The following TENM2 variants were observed in gnomAD, a reference collection of about 807,000 sequenced individuals.
TENM2 encodes teneurin-2.
TENM2 carries 52 observed loss-of-function variants against 245.2 expected under a neutral mutation model. The ratio of observed to expected loss-of-function variants is 0.21; its 90% CI spans 0.17 to 0.27. The LOEUF (loss-of-function observed/expected upper bound fraction) is 0.27. TENM2 is among the 10% of genes least tolerant of loss of function. The pLI, the probability that TENM2 is intolerant of heterozygous loss-of-function variation, is 1.00. For synonymous variants in TENM2, 1,363 were observed against 1,438.9 expected, an observed-to-expected ratio of 0.95 and a Z score of 1.19; for missense variants, 3,046 against 3,666.8, an observed-to-expected ratio of 0.83 and a Z score of 4.37.
At position 167,785,688 on chromosome 5, in the gene TENM2, C is replaced by T. The variant is rs578165998; in HGVS notation, c.503-90298C>T. Among the ~76,000 whole-genome samples, 7 of 152,288 alleles carry T rather than the reference C, an allele frequency of 4.6e-5. No individual in the cohort carries two copies. The South Asian group carries it at 1.5e-3, about 32-fold the overall frequency. On this transcript the variant is annotated intron_variant, in intron 2 of 28. Transcript: ENST00000518659. ...TTTGTCCCTCTTCAGGTCTGCTCTG[C>T]CATAATAAACTGCCAAAATAAATTT...
At chr5:167,330,476 A>G (rs773461974) in intron 1 of TENM2, among the ~76,000 whole-genome samples, 1 of 152,084 alleles carries the variant, frequency 6.6e-6, no homozygotes, top group Non-Finnish European at 1.5e-5. Context: ...GTTCCAACTG[A>G]ATATAAGGAA....
chr5:167,319,655 G>T (rs1756596771), intron 1 of TENM2, among the ~76,000 whole-genome samples: 1 of 152,168 alleles, frequency 6.6e-6, no homozygotes, highest in Admixed American at 6.5e-5. Context: ...TTTGAAGGAA[G>T]AAGCTGCATC....
At chr5:167,544,384 C>T (rs370821283) in intron 2 of TENM2, among the ~76,000 whole-genome samples, 14 of 152,180 alleles carry the variant, frequency 9.2e-5, no homozygotes, top group Admixed American at 3.3e-4. Context: ...GAAAATCACG[C>T]GGTGCCATTT....
At chr5:167,629,577 A>C (rs978772933) in intron 2 of TENM2, among the ~76,000 whole-genome samples, 6 of 152,198 alleles carry the variant, frequency 3.9e-5, no homozygotes, top group Admixed American at 3.3e-4. Context: ...AGGTACATGA[A>C]TTGACTTCAC....
At chr5:167,022,631 A>G in the TENM2 span, among the ~76,000 whole-genome samples, 1 of 152,186 alleles carries the variant, frequency 6.6e-6, no homozygotes, top group African/African-American at 2.4e-5. Flanking sequence ...TTACATAGAA[A>G]TACACTTCCT....
chr5:167,570,437 C>T (rs528348236), intron 2 of TENM2, among the ~76,000 whole-genome samples: 59 of 151,560 alleles, frequency 3.9e-4, no homozygotes, highest in African/African-American at 1.4e-3. Flanking sequence ...GGCTGTGTCA[C>T]GACAGTTGGG....
the TENM2 span, among the ~76,000 whole-genome samples, chr5:167,179,426 A>G: frequency 5.3e-5 from 8 of 152,076 alleles, no homozygotes; most frequent in African/African-American, 1.9e-4. Flanking sequence ...TGAGCATTAC[A>G]TTTTCGGTAA....
intron 6 of TENM2, among the ~76,000 whole-genome samples, chr5:168,061,038 G>A (rs1789992762): frequency 6.6e-6 from 1 of 152,168 alleles, no homozygotes; most frequent in South Asian, 2.1e-4. Context: ...GGTCACAAAA[G>A]TGATCGGGGG....
At chr5:166,981,097 A>G in the TENM2 span, among the ~76,000 whole-genome samples, 7 of 152,224 alleles carry the variant, frequency 4.6e-5, no homozygotes, top group Non-Finnish European at 8.8e-5. Context: ...TTATGTAGAA[A>G]AAAACCTACT....
chr5:167,084,338 T>C, the TENM2 span, among the ~76,000 whole-genome samples: 1 of 80,196 alleles, frequency 1.2e-5, no homozygotes, highest in East Asian at 3.8e-4. Context: ...TATATATATA[T>C]ATATATATAT....
chr5:167,958,834 T>TCTGCAGAGAG (rs1317399631), intron 4 of TENM2, among the ~76,000 whole-genome samples: 1 of 151,726 alleles, frequency 6.6e-6, no homozygotes, highest in Non-Finnish European at 1.5e-5. Context: ...TTGTAGCGTG[T>TCTGCAGAGAG]CTGCAGAGAG....
chr5:167,819,932 A>T (rs1767380053), intron 2 of TENM2, among the ~76,000 whole-genome samples: 1 of 152,264 alleles, frequency 6.6e-6, no homozygotes, highest in African/African-American at 2.4e-5. Flanking sequence ...AATATTCCTT[A>T]CTTCCCTTAA....
chr5:167,566,033 A>G (rs1465846082), intron 2 of TENM2, among the ~76,000 whole-genome samples: 1 of 152,194 alleles, frequency 6.6e-6, no homozygotes, highest in Non-Finnish European at 1.5e-5. Context: ...TCTCATCAGA[A>G]AGATGTTTTT....
chr5:167,141,514 T>C, the TENM2 span, among the ~76,000 whole-genome samples: 1 of 152,116 alleles, frequency 6.6e-6, no homozygotes, highest in Admixed American at 6.5e-5. Context: ...ATTAAACAGG[T>C]TGTGTATAAT....
chr5:167,273,725 G>T, the TENM2 span, among the ~76,000 whole-genome samples: 97 of 152,162 alleles, frequency 6.4e-4, no homozygotes, highest in African/African-American at 2.2e-3. Flanking sequence ...CCAAGCAGAG[G>T]GTTCAAATAA....
intron 6 of TENM2, among the ~76,000 whole-genome samples, chr5:168,060,588 C>A (rs2152089908): frequency 6.6e-6 from 1 of 152,264 alleles, no homozygotes; most frequent in Middle Eastern, 3.4e-3. Flanking sequence ...CTTTTATTAT[C>A]CTAGAAGTCA....
intron 2 of TENM2, among the ~76,000 whole-genome samples, chr5:167,483,672 T>G (rs914678325): frequency 2.0e-5 from 3 of 152,256 alleles, no homozygotes; most frequent in Admixed American, 6.5e-5. Context: ...CTTTTTCTTC[T>G]GCTCAACTTG....
intron 1 of TENM2, among the ~76,000 whole-genome samples, chr5:167,295,906 A>T (rs1290916372): frequency 2.0e-5 from 3 of 152,174 alleles, no homozygotes; most frequent in Non-Finnish European, 4.4e-5. Flanking sequence ...CTCTGCTGGG[A>T]ATGATCAGAA....
intron 2 of TENM2, among the ~76,000 whole-genome samples, chr5:167,575,441 A>G (rs1660087173): frequency 6.6e-6 from 1 of 151,790 alleles, no homozygotes; most frequent in South Asian, 2.1e-4. Context: ...TGGAGATAAG[A>G]TTTTTTTCTT....
Sources: gnomAD v4.1 joint callset for allele counts (sites outside exome capture counted in the v4.1 genomes callset) on GRCh38, gnomAD v4.1.1 for gene constraint, MANE v1.5 for transcripts, NCBI Gene and HGNC (gene_info 2026-07-23, HGNC 2026-07-21) for gene names.